CALM2: variants seen among roughly 807,000 people sequenced by gnomAD.
CALM2 encodes calmodulin-2.
In CALM2, 2 loss-of-function variants were observed where a neutral mutation model predicts 19.8. That is an observed-to-expected ratio of 0.10 (90% confidence interval 0.04 to 0.32). The LOEUF (loss-of-function observed/expected upper bound fraction) is 0.32, where lower values mean the gene tolerates loss of function less well. Among genes scored for constraint, CALM2 ranks in the 10% least tolerant of loss-of-function variants. CALM2 has a pLI of 1.00. For missense variants in CALM2, 38 were observed against 178.7 expected, an observed-to-expected ratio of 0.21 and a Z score of 4.49; for synonymous variants, 51 against 52.1, an observed-to-expected ratio of 0.98 and a Z score of 0.09.
At chr2:47,162,773 A>C (rs1573215820) in intron 2 of CALM2, 111 bp from the exon 3 acceptor site, 14 of 882,976 alleles carry the variant, frequency 1.6e-5, no homozygotes, top group Non-Finnish European at 1.7e-6. Flanking sequence ...GTGCCAGTGA[A>C]CAGCCACTGC....
Position 47,160,712 on chromosome 2 carries a change from C to T in CALM2, c.*64G>A, listed in dbSNP as rs1687128837. On this transcript the variant is annotated 3_prime_UTR_variant, in exon 6 of 6. Transcript: ENST00000272298. ...GGAGAAACCTTTTACAGATAAGTTA[C>T]AAACAAAGAAAAGGCAAATAAACAA... The T allele has an allele frequency of 2.1e-6, 2 of 941,262 alleles. No individual in the cohort carries two copies. The highest frequency in any genetic ancestry group is 3.4e-5 in the African/African-American group (2 of 58,526). 58.3% of individuals were successfully genotyped at this position (941,262 alleles called of 1,614,324 possible). A position where few individuals can be genotyped will look rare whatever the true frequency, so the allele number is the denominator to read the frequency against.
chr2:47,160,836 C>T (rs1327904483), intron 5 of CALM2, 32 bp from the exon 6 acceptor site: 1 of 515,926 alleles, frequency 1.9e-6, no homozygotes, highest in Non-Finnish European at 2.7e-6. Flanking sequence ...AAAAATGAGT[C>T]AATAGCAAAA....
chr2:47,176,434 C>T lies in CALM2; in HGVS notation c.3+7G>A. On this transcript the variant is annotated splice_region_variant and intron_variant, in intron 1 of 5. Coordinates refer to ENST00000272298, the MANE Select transcript of CALM2 (RefSeq NM_001743.6). ...GCCCAGCGCCGGCAGCTCAGCGATG[C>T]ACTCACCATGCTGCAAGCGCTACCG... 1 of 1,613,348 alleles carries T rather than the reference C, an allele frequency of 6.2e-7. No individual in the cohort carries two copies. The highest frequency in any genetic ancestry group is 8.5e-7 in the Non-Finnish European group (1 of 1,179,954).
intron 1 of CALM2, chr2:47,176,122 C>G (rs942618680): frequency 5.2e-6 from 2 of 382,066 alleles, no homozygotes; most frequent in African/African-American, 4.1e-5. Context: ...CCTTCCTTCA[C>G]TTTCTCTCCT....
chr2:47,162,803 G>T, intron 2 of CALM2, 141 bp from the exon 3 acceptor site: 2 of 632,930 alleles, frequency 3.2e-6, no homozygotes, highest in Non-Finnish European at 5.2e-6. Flanking sequence ...TGGCCAAACT[G>T]TAAGACCCCA....
At chr2:47,172,344 G>GT in intron 1 of CALM2, 1 of 460,846 alleles carries the variant, frequency 2.2e-6, no homozygotes, top group Non-Finnish European at 4.4e-6. Context: ...TTTAATAGCT[G>GT]TGTGACCTTG....
chr2:47,170,799 G>C (rs1390343894), intron 1 of CALM2, 35 bp from the exon 2 acceptor site: 5 of 1,585,096 alleles, frequency 3.2e-6, no homozygotes, highest in Non-Finnish European at 3.5e-6. Flanking sequence ...TTAGTGACTT[G>C]AGAGTATGTA....
At chr2:47,175,578 A>G (rs1666830731) in intron 1 of CALM2, among the ~76,000 whole-genome samples, 1 of 151,998 alleles carries the variant, frequency 6.6e-6, no homozygotes, top group South Asian at 2.1e-4. Context: ...TTAAAAAGCA[A>G]TTTTTTTTAA....
Position 47,170,489 on chromosome 2 carries a change from A to G in CALM2, c.34+245T>C, listed in dbSNP as rs138635541. On this transcript the variant is annotated intron_variant, in intron 2 of 5. Transcript: ENST00000272298. ...GACCACCACTACACCACAAGGCTCC[A>G]AAGTATATCCACGCAGACTAAAATA... 3.3e-5 allele frequency among the ~76,000 whole-genome samples: 5 copies of G among 152,352 alleles called. No homozygotes were observed. The East Asian group carries it at 9.6e-4, about 29-fold the overall frequency.
chr2:47,175,967 C>T (rs1347957527), intron 1 of CALM2, among the ~76,000 whole-genome samples: 1 of 151,824 alleles, frequency 6.6e-6, no homozygotes, highest in Non-Finnish European at 1.5e-5. Flanking sequence ...CCGCGCGCTC[C>T]TCCCGCCCCC....
upstream of CALM2, chr2:47,176,536 C>G (rs573210034): frequency 2.5e-6 from 4 of 1,579,008 alleles, no homozygotes; most frequent in Non-Finnish European, 3.4e-6. Flanking sequence ...GCCCCCAGCG[C>G]CTCATAAACA....
At chr2:47,175,163 T>TC (rs1443857838) in intron 1 of CALM2, among the ~76,000 whole-genome samples, 4 of 136,420 alleles carry the variant, frequency 2.9e-5, no homozygotes, top group Non-Finnish European at 3.1e-5. Context: ...TCCCTGCTCC[T>TC]CCCCCGCATA....
intron 2 of CALM2, among the ~76,000 whole-genome samples, chr2:47,165,229 C>G (rs1024971857): frequency 2.0e-5 from 3 of 152,212 alleles, no homozygotes; most frequent in Admixed American, 6.5e-5. Context: ...TAAAATGAGA[C>G]TTTGTAACTT....
chr2:47,167,816 T>TTTTTTTTTTTTC (rs1666537068), intron 2 of CALM2: 1 of 143,438 alleles, frequency 7.0e-6, no homozygotes, highest in Non-Finnish European at 1.5e-5. Context: ...TTTCTTTTCT[T>TTTTTTTTTTTTC]TGAGACAGGG....
intron 1 of CALM2, 58 bp from the exon 2 acceptor site, chr2:47,170,822 C>G (rs1433654639): frequency 7.0e-7 from 1 of 1,427,300 alleles, no homozygotes. Context: ...TTAGCAGTTA[C>G]AGAAACAAGT....
chr2:47,160,206 C>T lies in CALM2; in HGVS notation c.*570G>A, dbSNP rs1687113442. 1 of 152,498 alleles carries T rather than the reference C, an allele frequency of 6.6e-6. No individual in the cohort carries two copies. Among genetic ancestry groups the T allele is most frequent in the Non-Finnish European group, 1.5e-5 (1 of 68,028 alleles). 9.4% of individuals were successfully genotyped at this position (152,498 alleles called of 1,614,324 possible). On this transcript the variant is annotated 3_prime_UTR_variant, in exon 6 of 6. Transcript: ENST00000272298. ...TTTTTATTGGAAAACAAATATACAA[C>T]TTGGAATGGATTTTGAGGCAAATTG...
intron 1 of CALM2, among the ~76,000 whole-genome samples, chr2:47,175,821 C>T (rs569563886): frequency 2.0e-5 from 3 of 148,122 alleles, no homozygotes; most frequent in Non-Finnish European, 3.0e-5. Context: ...GCTCGCCCGC[C>T]CCGCCCCCAC....
chr2:47,164,979 T>C (rs1168699887), intron 2 of CALM2, among the ~76,000 whole-genome samples: 3 of 152,224 alleles, frequency 2.0e-5, no homozygotes, highest in Admixed American at 6.5e-5. Flanking sequence ...TATCTTCACA[T>C]CGCTTAGCCT....
At chr2:47,166,161 T>C (rs1207788730) in intron 2 of CALM2, among the ~76,000 whole-genome samples, 4 of 152,158 alleles carry the variant, frequency 2.6e-5, no homozygotes, top group Admixed American at 6.5e-5. Context: ...AATAGCACAA[T>C]TGATAAAGAC....
Sources: gnomAD v4.1 joint callset for allele counts (sites outside exome capture counted in the v4.1 genomes callset) on GRCh38, gnomAD v4.1.1 for gene constraint, MANE v1.5 for transcripts, NCBI Gene and HGNC (gene_info 2026-07-23, HGNC 2026-07-21) for gene names.